The following PLPP1 variants were observed in gnomAD, a reference collection of about 807,000 sequenced individuals.
PLPP1 encodes the protein lipid phosphate phosphohydrolase 1a.
PLPP1 carries 24 observed loss-of-function variants against 31.2 expected under a neutral mutation model. The ratio of observed to expected loss-of-function variants is 0.77; its 90% CI spans 0.56 to 1.08. The LOEUF (loss-of-function observed/expected upper bound fraction) is 1.08. Ranked by LOEUF, PLPP1 falls within the 50% of genes least tolerant of loss-of-function variation. PLPP1 has a pLI of 0.00. For synonymous variants in PLPP1, 146 were observed against 126.3 expected (o/e 1.16, Z -1.05); for missense variants, 319 against 342.7 (o/e 0.93, Z 0.55).
intron 1 of PLPP1, among the ~76,000 whole-genome samples, chr5:55,505,974 T>C (rs987448270): frequency 5.3e-5 from 8 of 152,162 alleles, no homozygotes; most frequent in Non-Finnish European, 1.0e-4. Context: ...GGAGAATCGC[T>C]TGAACCTGGG....
At chr5:55,468,876 T>C (rs1235588143) in intron 2 of PLPP1, among the ~76,000 whole-genome samples, 1 of 152,182 alleles carries the variant, frequency 6.6e-6, no homozygotes, top group Non-Finnish European at 1.5e-5. Flanking sequence ...TACTTTTATC[T>C]GACAGAGGCT....
At chr5:55,529,477 ATCAG>A (rs1740581613) in intron 1 of PLPP1, among the ~76,000 whole-genome samples, 1 of 152,154 alleles carries the variant, frequency 6.6e-6, no homozygotes, top group Admixed American at 6.5e-5. Context: ...AGGCTTACAA[ATCAG>A]TCAAAGACTG....
Position 55,468,147 on chromosome 5 carries a change from A to G in PLPP1, c.213T>C (p.Ile71=). The G allele has an allele frequency of 6.4e-7, 1 of 1,573,910 alleles. No individual in the cohort carries two copies. The highest frequency in any genetic ancestry group is 8.6e-7 in the Non-Finnish European group (1 of 1,158,658). ...GIIIPFSIIV[I]ILGETLSVYC... ...AAACAGACAGGGTTTCTCCAAGAAT[A>G]ATCTGAAAAAGAAACAGAAAAATAA... Residue 71 remains isoleucine, a splice_region_variant and synonymous_variant, in exon 3 of 6, where the codon ATT becomes ATC. Coordinates refer to ENST00000307259, the MANE Select transcript of PLPP1 (RefSeq NM_003711.4).
At chr5:55,500,699 T>C (rs1753122782) in intron 1 of PLPP1, among the ~76,000 whole-genome samples, 1 of 151,910 alleles carries the variant, frequency 6.6e-6, no homozygotes, top group African/African-American at 2.4e-5. Context: ...AAAAGAGCTG[T>C]GTAAAGAAAA....
chr5:55,477,396 C>CTTTTTTT (rs3070044), intron 1 of PLPP1, among the ~76,000 whole-genome samples: 1 of 133,320 alleles, frequency 7.5e-6, no homozygotes, highest in Non-Finnish European at 1.5e-5. Flanking sequence ...TTTTTCTTTT[C>CTTTTTTT]TTTTTTTTTT....
rs1468471263 is a variant in PLPP1 at position 55,534,925 on chromosome 5, GC to G, written c.-297del. The G allele has an allele frequency of 4.9e-6, 2 of 411,434 alleles. No individual in the cohort carries two copies. The highest frequency in any genetic ancestry group is 3.9e-5 in the South Asian group (1 of 25,608). 25.5% of individuals were successfully genotyped at this position (411,434 alleles called of 1,614,324 possible). On this transcript the variant is annotated 5_prime_UTR_variant, in exon 1 of 6. Coordinates refer to ENST00000307259, the MANE Select transcript of PLPP1 (RefSeq NM_003711.4). ...AGGACCTCCTCAGCCGGCACGGCCT[GC>G]CCCGGTTGCTCCCCGTCCGGATCCC...
Position 55,475,327 on chromosome 5 carries a change from C to G in PLPP1, c.182G>C (p.Gly61Ala). The G allele has an allele frequency of 6.2e-7, 1 of 1,611,860 alleles. No homozygotes were observed. Among genetic ancestry groups the G allele is most frequent in the South Asian group, 1.1e-5 (1 of 90,612 alleles). Reference protein sequence around the residue: ...EDTIPYALLGGIIIPFSIIVI... With the variant: ...EDTIPYALLGAIIIPFSIIVI... ...GATAATACTGAATGGAATGATTATTCCACCTAATAACGCATAAGGTATGGT... is the reference window on the plus strand; with the variant it reads ...GATAATACTGAATGGAATGATTATTGCACCTAATAACGCATAAGGTATGGT... The change falls in exon 2 of 6, where the codon GGA becomes GCA. Residue 61 changes from glycine to alanine, a missense_variant. Gly to Ala is a moderately conservative substitution (Grantham distance 60). Transcript: ENST00000307259.
At chr5:55,491,262 G>A in intron 1 of PLPP1, 1 of 791,442 alleles carries the variant, frequency 1.3e-6, no homozygotes, top group Non-Finnish European at 1.9e-6. Context: ...AAAGATTAAG[G>A]AAATCATGCA....
rs560202431 is a variant in PLPP1 at position 55,519,299 on chromosome 5, GAAAAGGAGCACATTT to G, written c.58+15258_58+15272del. On this transcript the variant is annotated intron_variant, in intron 1 of 5. Coordinates refer to ENST00000307259, the MANE Select transcript of PLPP1 (RefSeq NM_003711.4). ...ACTGGGCTAGGCAGAGACAACAGTT[GAAAAGGAGCACATTT>G]AAAACTCCTTTCTCTTATCCATGCC... Among the ~76,000 whole-genome samples the G allele has an allele frequency of 2.4e-3, 371 of 152,280 alleles. 1 individual carries two copies. The highest frequency in any genetic ancestry group is 8.7e-3 in the African/African-American group (362 of 41,564).
intron 3 of PLPP1, among the ~76,000 whole-genome samples, chr5:55,462,164 TCAAAGAAAA>T: frequency 6.6e-6 from 1 of 152,296 alleles, no homozygotes; most frequent in Admixed American, 6.5e-5. Context: ...TTCTGCCCTT[TCAAAGAAAA>T]CATAAAGAAC....
chr5:55,425,153 A>T lies in PLPP1; in HGVS notation c.*53T>A, dbSNP rs1751139166. On this transcript the variant is annotated 3_prime_UTR_variant, in exon 6 of 6. Transcript: ENST00000307259. ...AAGATGCATCCTCTTGCCTTGTGGC[A>T]ATCATTTTCCTTTAGAAAACAGGCC... is the stretch of plus-strand genomic sequence containing the variant. The T allele has an allele frequency of 6.3e-7, 1 of 1,576,754 alleles. No homozygotes were observed.
At chr5:55,499,472 G>A (rs1216869865) in intron 1 of PLPP1, among the ~76,000 whole-genome samples, 1 of 152,170 alleles carries the variant, frequency 6.6e-6, no homozygotes, top group African/African-American at 2.4e-5. Flanking sequence ...CTTACTGGAA[G>A]CACCTAAAAT....
intron 3 of PLPP1, among the ~76,000 whole-genome samples, chr5:55,458,888 A>C (rs1041760614): frequency 2.8e-5 from 2 of 72,184 alleles, no homozygotes; most frequent in Admixed American, 3.9e-4. Context: ...CCCTGTCTCC[A>C]AAAAAAAAAA....
At chr5:55,491,011 G>A (rs766346159) in intron 1 of PLPP1, 65 of 1,613,290 alleles carry the variant, frequency 4.0e-5, no homozygotes, top group Middle Eastern at 3.3e-4. Flanking sequence ...TGGATGTGAC[G>A]GTACTGTCAT....
chr5:55,467,097 A>C (rs1441664106), intron 3 of PLPP1, among the ~76,000 whole-genome samples: 1 of 152,176 alleles, frequency 6.6e-6, no homozygotes, highest in Non-Finnish European at 1.5e-5. Flanking sequence ...AGGGCGTTAT[A>C]AGACAGCAAC....
At chr5:55,460,565 A>G (rs996484228) in intron 3 of PLPP1, among the ~76,000 whole-genome samples, 23 of 152,254 alleles carry the variant, frequency 1.5e-4, no homozygotes, top group Non-Finnish European at 2.4e-4. Flanking sequence ...AATAAACTTG[A>G]CAACTTACAT....
At chr5:55,461,486 A>AT (rs937349908) in intron 3 of PLPP1, among the ~76,000 whole-genome samples, 5 of 152,108 alleles carry the variant, frequency 3.3e-5, no homozygotes, top group African/African-American at 1.2e-4. Flanking sequence ...ATAATATACT[A>AT]TATTAGAGAA....
At chr5:55,486,806 AG>A (rs1752784460) in intron 1 of PLPP1, among the ~76,000 whole-genome samples, 1 of 150,040 alleles carries the variant, frequency 6.7e-6, no homozygotes, top group Non-Finnish European at 1.5e-5. Flanking sequence ...CCAGCTACTT[AG>A]GAGGCTGAGG....
intron 1 of PLPP1, among the ~76,000 whole-genome samples, chr5:55,511,512 T>C (rs774230471): frequency 2.0e-5 from 3 of 152,002 alleles, no homozygotes; most frequent in African/African-American, 4.8e-5. Flanking sequence ...TGTGGGTATA[T>C]GGACATTAAA....
Sources: allele counts gnomAD v4.1 joint callset (sites outside exome capture counted in the v4.1 genomes callset), GRCh38; gene constraint gnomAD v4.1.1; transcripts MANE v1.5; gene names NCBI Gene and HGNC (gene_info 2026-07-23, HGNC 2026-07-21).